Variants in CPXM2 observed in about 807,000 individuals in gnomAD.
CPXM2 encodes the protein carboxypeptidase X, M14 family member 2.
In CPXM2, 66 loss-of-function variants were observed where a neutral mutation model predicts 86.1. The observed-to-expected ratio is 0.77, with a 90% confidence interval of 0.63 to 0.94. CPXM2 has a LOEUF of 0.94. Ranked by LOEUF, CPXM2 falls within the 40% of genes least tolerant of loss-of-function variation. The pLI is 0.00. For synonymous variants in CPXM2, 388 were observed against 400.2 expected (o/e 0.97, Z 0.36); for missense variants, 948 against 1,026.3 (o/e 0.92, Z 1.04).
At position 123,865,144 on chromosome 10, in the gene CPXM2, T is replaced by A. The variant is rs965063208; in HGVS notation, c.404-2421A>T. Reference sequence around the variant, plus strand: ...GATGACTTTGGTGGGGGAGCCCAGATAAACACACACGAACTTGGCCTGCTC... The same window carrying A: ...GATGACTTTGGTGGGGGAGCCCAGAAAAACACACACGAACTTGGCCTGCTC... On this transcript the variant is annotated intron_variant, in intron 2 of 13. Transcript: ENST00000241305. This position sits in a 1 kb window ranked among gnomAD's most constrained non-coding sequence, Gnocchi z 4.7. Among the ~76,000 whole-genome samples, 1 of 152,220 alleles carries A rather than the reference T, an allele frequency of 6.6e-6. No homozygotes were observed. The highest frequency in any genetic ancestry group is 1.5e-5 in the Non-Finnish European group (1 of 68,034).
chr10:123,890,008 T>G (rs1298822447), intron 1 of CPXM2, among the ~76,000 whole-genome samples: 1 of 152,116 alleles, frequency 6.6e-6, no homozygotes, highest in African/African-American at 2.4e-5. Flanking sequence ...AGAAAGGCTT[T>G]CAAATATCCC....
intron 4 of CPXM2, among the ~76,000 whole-genome samples, chr10:123,805,545 T>C (rs927747994): frequency 2.0e-5 from 3 of 152,192 alleles, no homozygotes; most frequent in Admixed American, 2.0e-4. Context: ...TTTAATTCCG[T>C]TGTGGACAGA....
At chr10:123,892,184 GC>G (rs1208348809), upstream of CPXM2, among the ~76,000 whole-genome samples, 3 of 152,212 alleles carry the variant, frequency 2.0e-5, no homozygotes, top group East Asian at 1.9e-4. Context: ...CTCAAACCGT[GC>G]CCCGTGTGCT....
At chr10:123,839,190 G>C (rs1848335297) in intron 4 of CPXM2, among the ~76,000 whole-genome samples, 1 of 152,092 alleles carries the variant, frequency 6.6e-6, no homozygotes, top group South Asian at 2.1e-4. Context: ...ATGAGATCGA[G>C]AGTAGTTATC....
At chr10:123,903,848 G>T (rs943176968) in intron 2 of CPXM2, among the ~76,000 whole-genome samples, 2 of 152,212 alleles carry the variant, frequency 1.3e-5, no homozygotes, top group Non-Finnish European at 2.9e-5. Context: ...AGCAAGGTTT[G>T]CCAGGCGTAG....
chr10:123,756,606 A>C (rs967226331), intron 12 of CPXM2, among the ~76,000 whole-genome samples: 1 of 135,048 alleles, frequency 7.4e-6, no homozygotes. Context: ...TCATATGTTG[A>C]AGCCCTAACC....
At chr10:123,793,780 C>T (rs748445708) in intron 6 of CPXM2, among the ~76,000 whole-genome samples, 9 of 152,152 alleles carry the variant, frequency 5.9e-5, no homozygotes, top group African/African-American at 1.9e-4. Context: ...ACCAAATGAA[C>T]GATCAACCCA....
chr10:123,931,419 C>T (rs1257038072), intron 2 of CPXM2: 1 of 152,208 alleles, frequency 6.6e-6, no homozygotes, highest in Non-Finnish European at 1.5e-5. Flanking sequence ...TGTGCCCCAT[C>T]CCTTGGCTGA....
At chr10:123,765,310 A>T (rs1248563688) in intron 10 of CPXM2, among the ~76,000 whole-genome samples, 1 of 152,208 alleles carries the variant, frequency 6.6e-6, no homozygotes, top group Non-Finnish European at 1.5e-5. Flanking sequence ...CACAATTGAG[A>T]AAAGTTTTGG....
At chr10:123,752,313 T>A in intron 13 of CPXM2, 1 of 984,958 alleles carries the variant, frequency 1.0e-6, no homozygotes, top group Non-Finnish European at 1.2e-6. Flanking sequence ...TGGTATTCAG[T>A]GTGAAGCCTC....
intron 2 of CPXM2, among the ~76,000 whole-genome samples, chr10:123,872,824 C>T (rs913366232): frequency 1.3e-5 from 2 of 152,046 alleles, no homozygotes; most frequent in Non-Finnish European, 2.9e-5. Flanking sequence ...AGAAATGTGA[C>T]CTTGAAAGTA....
chr10:123,868,331 C>CA (rs1944831997), intron 2 of CPXM2, among the ~76,000 whole-genome samples: 2 of 152,172 alleles, frequency 1.3e-5, no homozygotes, highest in Admixed American at 6.5e-5. Context: ...ACACCGTAAC[C>CA]CCTAGGCAGC....
chr10:123,767,203 A>G (rs767256116), intron 9 of CPXM2, 51 bp from the exon 10 acceptor site: 28 of 1,529,002 alleles, frequency 1.8e-5, no homozygotes, highest in Non-Finnish European at 2.3e-5. Context: ...GACAACGCGG[A>G]CCCTCTACCA....
At chr10:123,799,233 A>G (rs770883285) in intron 4 of CPXM2, 34 bp from the exon 5 acceptor site, 1 of 1,611,172 alleles carries the variant, frequency 6.2e-7, no homozygotes, top group South Asian at 1.1e-5. Flanking sequence ...AGGACTACAC[A>G]CTTTAAAATG....
intron 2 of CPXM2, among the ~76,000 whole-genome samples, chr10:123,924,393 C>T (rs189581813): frequency 1.8e-4 from 28 of 152,320 alleles, no homozygotes; most frequent in South Asian, 2.1e-4. Flanking sequence ...TTGGTTCTAA[C>T]GGCTTGCAGA....
In CPXM2 at chr10:123,891,773, T is replaced by C; in HGVS notation, c.-114A>G. ...CGCAGGGCACAGCAGAGCGGCGCGC[T>C]TGGGCGCGGGAGGCGGCCGGCTGGC... On this transcript the variant is annotated 5_prime_UTR_variant, in exon 1 of 14. Coordinates refer to ENST00000241305, the MANE Select transcript of CPXM2 (RefSeq NM_198148.3). This position sits in a 1 kb window ranked among gnomAD's most constrained non-coding sequence, Gnocchi z 5.6. 1 of 741,056 alleles carries C rather than the reference T, an allele frequency of 1.3e-6. No homozygotes were observed. Among genetic ancestry groups the C allele is most frequent in the Non-Finnish European group, 1.8e-6 (1 of 556,772 alleles). 45.9% of individuals were successfully genotyped at this position (741,056 alleles called of 1,614,324 possible). A position where few individuals can be genotyped will look rare whatever the true frequency, so the allele number is the denominator to read the frequency against.
At chr10:123,889,017 A>G (rs138329648) in intron 1 of CPXM2, among the ~76,000 whole-genome samples, 65 of 152,372 alleles carry the variant, frequency 4.3e-4, no homozygotes, top group African/African-American at 1.4e-3. Context: ...TCTACCTGCA[A>G]GATGGCCTTC....
intron 4 of CPXM2, among the ~76,000 whole-genome samples, chr10:123,835,413 T>C (rs1262535938): frequency 1.3e-5 from 2 of 152,224 alleles, no homozygotes; most frequent in African/African-American, 4.8e-5. Context: ...GTGAAAGCTT[T>C]ATTTAATTTC....
chr10:123,917,974 A>G (rs2134276168), intron 2 of CPXM2, among the ~76,000 whole-genome samples: 1 of 152,330 alleles, frequency 6.6e-6, no homozygotes, highest in East Asian at 1.9e-4. Context: ...AGAAATTAAA[A>G]CAGGGTGATG....
Sources: gnomAD v4.1 joint callset for allele counts (sites outside exome capture counted in the v4.1 genomes callset) on GRCh38, gnomAD v4.1.1 for gene constraint, Gnocchi (gnomAD v3.1) non-coding constraint, MANE v1.5 for transcripts, NCBI Gene and HGNC (gene_info 2026-07-23, HGNC 2026-07-21) for gene names.